PACSIN2: variants seen among roughly 807,000 people sequenced by gnomAD.
PACSIN2 encodes the protein protein kinase C and casein kinase substrate in neurons 2, also known as protein kinase C and casein kinase substrate in neurons protein 2.
A neutral mutation model predicts 63.8 loss-of-function variants in PACSIN2; 25 were observed. That is an observed-to-expected ratio of 0.39 (90% CI 0.29 to 0.55). The LOEUF is 0.55. PACSIN2 is among the 20% of genes least tolerant of loss of function. The probability of loss-of-function intolerance (pLI) is 0.62; values close to 1 mark genes in which losing one functional copy is unlikely to be tolerated. For missense variants in PACSIN2, 518 were observed against 646.9 expected, an observed-to-expected ratio of 0.80 and a Z score of 2.16; for synonymous variants, 255 against 256.2, an observed-to-expected ratio of 1.00 and a Z score of 0.05.
intron 1 of PACSIN2, among the ~76,000 whole-genome samples, chr22:42,976,473 A>T (rs1921714564): frequency 9.6e-6 from 1 of 103,844 alleles, no homozygotes; most frequent in African/African-American, 3.8e-5. Context: ...GATTTGAGGC[A>T]ACAGTGCTAA....
intron 1 of PACSIN2, among the ~76,000 whole-genome samples, chr22:43,008,371 C>T (rs1463774214): frequency 1.3e-5 from 2 of 152,150 alleles, no homozygotes; most frequent in African/African-American, 4.8e-5. Flanking sequence ...CTGCCTCAGC[C>T]TCCCCAGTAG....
chr22:42,906,122 GTGC>G (rs1227059202), intron 2 of PACSIN2, among the ~76,000 whole-genome samples: 2 of 152,266 alleles, frequency 1.3e-5, no homozygotes, highest in African/African-American at 4.8e-5. Flanking sequence ...GAACTGTCTT[GTGC>G]TGCTGCTGGC....
At chr22:43,003,192 A>T (rs1428741981) in intron 1 of PACSIN2, among the ~76,000 whole-genome samples, 2 of 152,242 alleles carry the variant, frequency 1.3e-5, no homozygotes, top group African/African-American at 4.8e-5. Context: ...GTGGAAGGTA[A>T]ACTACAAAGA....
intron 1 of PACSIN2, among the ~76,000 whole-genome samples, chr22:42,918,680 C>T (rs1010373921): frequency 4.6e-5 from 7 of 152,132 alleles, no homozygotes; most frequent in African/African-American, 1.7e-4. Flanking sequence ...TTCCAGAATC[C>T]GGCAATCTCT....
chr22:42,906,542 T>C (rs1031256547), intron 2 of PACSIN2, among the ~76,000 whole-genome samples: 1 of 152,192 alleles, frequency 6.6e-6, no homozygotes, highest in African/African-American at 2.4e-5. Context: ...ACAAAGTCTA[T>C]CTGAACCACA....
At chr22:42,878,698 C>T (rs1466458239) in intron 8 of PACSIN2, among the ~76,000 whole-genome samples, 2 of 152,244 alleles carry the variant, frequency 1.3e-5, no homozygotes, top group Non-Finnish European at 1.5e-5. Flanking sequence ...GGCACCTCCA[C>T]CAGTGTCCGG....
chr22:42,981,655 T>G (rs1296541396), intron 1 of PACSIN2, among the ~76,000 whole-genome samples: 12 of 87,322 alleles, frequency 1.4e-4, no homozygotes, highest in South Asian at 4.5e-4. Context: ...GGTGGGGGGG[T>G]CAGCCCCCCG....
intron 1 of PACSIN2, among the ~76,000 whole-genome samples, chr22:43,001,082 G>A (rs1197353734): frequency 6.6e-6 from 1 of 152,234 alleles, no homozygotes; most frequent in Non-Finnish European, 1.5e-5. Context: ...ATCACGTCTT[G>A]TGTTACCAAA....
At chr22:42,891,590 C>T (rs1407076127) in intron 3 of PACSIN2, among the ~76,000 whole-genome samples, 5 of 152,040 alleles carry the variant, frequency 3.3e-5, no homozygotes, top group East Asian at 1.9e-4. Flanking sequence ...TTAGTAGAGA[C>T]GGGGTTTCAC....
chr22:43,000,266 C>G (rs1923681911), intron 1 of PACSIN2, among the ~76,000 whole-genome samples: 1 of 152,198 alleles, frequency 6.6e-6, no homozygotes, highest in African/African-American at 2.4e-5. Flanking sequence ...CCATCCTGGA[C>G]AGCAGGATGC....
chr22:42,987,752 T>C (rs1922738558), intron 1 of PACSIN2, among the ~76,000 whole-genome samples: 1 of 151,750 alleles, frequency 6.6e-6, no homozygotes, highest in Admixed American at 6.6e-5. Context: ...GCCAGGATGG[T>C]CTCAATCTCC....
chr22:42,897,428 G>A (rs1013735091), intron 2 of PACSIN2, among the ~76,000 whole-genome samples: 20 of 152,102 alleles, frequency 1.3e-4, no homozygotes, highest in Admixed American at 4.6e-4. Context: ...AAAACATTAG[G>A]TTGTTTTGGG....
At position 42,876,247 on chromosome 22, in the gene PACSIN2, T is replaced by C. The variant is rs777391617; in HGVS notation, c.1238A>G (p.Asn413Ser). 57 of 1,614,150 alleles carry C rather than the reference T, an allele frequency of 3.5e-5. No individual in the cohort carries two copies. The highest frequency in any genetic ancestry group is 2.5e-4 in the African/African-American group (19 of 75,034). ...GTCGTCGAATGGATTCGAGTCCCCA[T>C]TGGCATCCGTGGAGGAGAAGGGGTT... ...SNNPFSSTDA[N>S]GDSNPFDDDA... The change falls in exon 10 of 11, where the codon AAT becomes AGT. Residue 413 changes from asparagine to serine, a missense_variant. Physicochemically the swap from Asn to Ser is conservative, Grantham distance 46. Around this residue, in one of 2 missense-constraint regions of PACSIN2, gnomAD observed 507 missense variants for 612.3 expected, o/e 0.83. Coordinates refer to ENST00000263246, the MANE Select transcript of PACSIN2 (RefSeq NM_001184970.3).
chr22:42,900,928 T>A (rs1461090833), intron 2 of PACSIN2, among the ~76,000 whole-genome samples: 1 of 152,166 alleles, frequency 6.6e-6, no homozygotes, highest in Admixed American at 6.5e-5. Context: ...CATGAGATGA[T>A]GCGTGTGCTT....
intron 1 of PACSIN2, among the ~76,000 whole-genome samples, chr22:42,983,493 A>AAAAAT: frequency 7.2e-6 from 1 of 139,724 alleles, no homozygotes; most frequent in African/African-American, 2.5e-5. Flanking sequence ...CCATCTCAAA[A>AAAAAT]AAAAAAAAAA....
chr22:42,894,508 T>C (rs2146678879), intron 2 of PACSIN2, among the ~76,000 whole-genome samples: 1 of 152,368 alleles, frequency 6.6e-6, no homozygotes, highest in Admixed American at 6.5e-5. Flanking sequence ...CCCAAAGTGC[T>C]GGGATTACAG....
chr22:42,948,025 G>A (rs1426322486), intron 1 of PACSIN2, among the ~76,000 whole-genome samples: 2 of 152,212 alleles, frequency 1.3e-5, no homozygotes, highest in South Asian at 2.1e-4. Flanking sequence ...AACATGCTAC[G>A]GGGACACATA....
In PACSIN2 at chr22:42,871,137, T is replaced by C; in HGVS notation, c.*220A>G. The C allele has an allele frequency of 1.7e-6, 1 of 580,718 alleles. No individual in the cohort carries two copies. The highest frequency in any genetic ancestry group is 3.1e-6 in the Non-Finnish European group (1 of 323,912). The allele number at this position is 580,718 out of a possible 1,614,324, so 36.0% of individuals were successfully genotyped here. A position where few individuals can be genotyped will look rare whatever the true frequency, so the allele number is the denominator to read the frequency against. On this transcript the variant is annotated 3_prime_UTR_variant, in exon 11 of 11. Coordinates refer to ENST00000263246, the MANE Select transcript of PACSIN2 (RefSeq NM_001184970.3). This position sits in a 1 kb window ranked among gnomAD's most constrained non-coding sequence, Gnocchi z 5.4. ...GTGGGCGGGGAGGGGCGGCTATTTC[T>C]GTTGTTCTGCGTCTTCCTGCGCTCA...
intron 1 of PACSIN2, among the ~76,000 whole-genome samples, chr22:42,994,042 C>T (rs1923230887): frequency 6.6e-6 from 1 of 152,192 alleles, no homozygotes; most frequent in South Asian, 2.1e-4. Context: ...GGCTAAAGTC[C>T]AGTGAGCTAA....
Sources: gnomAD v4.1 joint callset for allele counts (sites outside exome capture counted in the v4.1 genomes callset) on GRCh38, gnomAD v4.1.1 for gene constraint, gnomAD v4.1.1 regional missense constraint, Gnocchi (gnomAD v3.1) non-coding constraint, MANE v1.5 for transcripts, NCBI Gene and HGNC (gene_info 2026-07-23, HGNC 2026-07-21) for gene names.